Variants in FAM120A observed in about 807,000 individuals in gnomAD.
FAM120A encodes the protein constitutive coactivator of PPAR-gamma-like protein 1.
FAM120A carries 15 observed loss-of-function variants against 109.7 expected under a neutral mutation model. The observed-to-expected ratio is 0.14, with a 90% CI of 0.09 to 0.21. The LOEUF is 0.21. Among genes scored for constraint, FAM120A ranks in the 10% least tolerant of loss-of-function variants. FAM120A has a pLI of 1.00. For synonymous variants in FAM120A, 493 were observed against 572.8 expected (o/e 0.86, Z 1.99); for missense variants, 899 against 1,439.3 (o/e 0.62, Z 6.07).
chr9:93,486,755 A>G (rs1859075602), intron 3 of FAM120A, among the ~76,000 whole-genome samples: 3 of 151,936 alleles, frequency 2.0e-5, no homozygotes, highest in South Asian at 4.2e-4. Context: ...GCTGGCCTCA[A>G]ACTCCTGACC....
At chr9:93,540,176 C>T (rs973624869) in intron 10 of FAM120A, among the ~76,000 whole-genome samples, 3 of 152,180 alleles carry the variant, frequency 2.0e-5, no homozygotes, top group African/African-American at 7.2e-5. Context: ...GTGCAGATTG[C>T]CTGCTTCCCT....
intron 1 of FAM120A, among the ~76,000 whole-genome samples, chr9:93,454,763 C>A (rs1857478316): frequency 6.6e-6 from 1 of 152,208 alleles, no homozygotes; most frequent in African/African-American, 2.4e-5. Flanking sequence ...ATTCAGCATT[C>A]TCTGTTTAAG....
At chr9:93,473,208 G>T (rs1239105268) in intron 2 of FAM120A, among the ~76,000 whole-genome samples, 1 of 151,882 alleles carries the variant, frequency 6.6e-6, no homozygotes, top group Non-Finnish European at 1.5e-5. Context: ...GTAGAGACAG[G>T]GTTTCACCAT....
chr9:93,538,275 G>T (rs377579196), intron 10 of FAM120A, among the ~76,000 whole-genome samples: 16 of 152,176 alleles, frequency 1.1e-4, no homozygotes, highest in African/African-American at 3.9e-4. Flanking sequence ...TTACCTTTGA[G>T]AATTACAGAG....
intron 7 of FAM120A, among the ~76,000 whole-genome samples, chr9:93,526,092 A>G (rs940972486): frequency 1.3e-5 from 2 of 152,224 alleles, no homozygotes; most frequent in East Asian, 3.8e-4. Context: ...GGCATGTCCT[A>G]TGGCCAGCAC....
intron 3 of FAM120A, among the ~76,000 whole-genome samples, chr9:93,483,901 A>G (rs570812167): frequency 2.6e-5 from 4 of 152,322 alleles, no homozygotes; most frequent in African/African-American, 9.6e-5. Flanking sequence ...CTGAACTCAA[A>G]AGGATTTCTG....
At chr9:93,553,889 A>G (rs1164460675) in intron 12 of FAM120A, among the ~76,000 whole-genome samples, 1 of 152,138 alleles carries the variant, frequency 6.6e-6, no homozygotes, top group Non-Finnish European at 1.5e-5. Context: ...TATTATTTAT[A>G]TATAACATTT....
intron 3 of FAM120A, among the ~76,000 whole-genome samples, chr9:93,488,534 G>A (rs1050081461): frequency 3.9e-5 from 6 of 152,060 alleles, no homozygotes; most frequent in Non-Finnish European, 8.8e-5. Context: ...CAGCTACCAT[G>A]AAATATATTT....
intron 2 of FAM120A, among the ~76,000 whole-genome samples, chr9:93,473,362 G>C (rs373804901): frequency 6.6e-6 from 1 of 152,130 alleles, no homozygotes; most frequent in South Asian, 2.1e-4. Context: ...GTGGAGTGCA[G>C]TGGTGCAATC....
chr9:93,517,870 G>A (rs1423290209), intron 7 of FAM120A, among the ~76,000 whole-genome samples: 2 of 152,204 alleles, frequency 1.3e-5, no homozygotes, highest in East Asian at 3.9e-4. Context: ...CTTGGAGTGA[G>A]TAGGACTGCC....
chr9:93,475,864 C>T (rs921828896), intron 2 of FAM120A, among the ~76,000 whole-genome samples: 2 of 152,116 alleles, frequency 1.3e-5, no homozygotes, highest in Non-Finnish European at 2.9e-5. Flanking sequence ...AATTTTGAAC[C>T]GTAGCTATTT....
At chr9:93,489,008 TAAAA>T (rs34387679) in intron 3 of FAM120A, among the ~76,000 whole-genome samples, 1 of 143,146 alleles carries the variant, frequency 7.0e-6, no homozygotes, top group Non-Finnish European at 1.5e-5. Flanking sequence ...ATGTATCTGT[TAAAA>T]AAAAAAAAAA....
At chr9:93,558,494 C>A in intron 14 of FAM120A, 87 bp from the exon 15 acceptor site, 1 of 1,515,096 alleles carries the variant, frequency 6.6e-7, no homozygotes, top group South Asian at 1.2e-5. Flanking sequence ...CTGGAGGAGG[C>A]AGGGGCCACT....
intron 3 of FAM120A, among the ~76,000 whole-genome samples, chr9:93,491,693 G>A (rs1018574103): frequency 2.0e-5 from 3 of 152,180 alleles, no homozygotes; most frequent in African/African-American, 4.8e-5. Flanking sequence ...TTGCTACACA[G>A]TGATGTGAAA....
At chr9:93,560,715 T>C (rs1219647234) in intron 15 of FAM120A, among the ~76,000 whole-genome samples, 1 of 152,230 alleles carries the variant, frequency 6.6e-6, no homozygotes, top group Non-Finnish European at 1.5e-5. Context: ...ACAGGCTAGA[T>C]TTATTGATTC....
chr9:93,530,506 C>T (rs1289347715), intron 9 of FAM120A: 3 of 152,182 alleles, frequency 2.0e-5, no homozygotes, highest in African/African-American at 4.8e-5. Flanking sequence ...AGGTGGACTT[C>T]AACTGTTAAC....
intron 7 of FAM120A, among the ~76,000 whole-genome samples, chr9:93,524,336 AC>A (rs1860975439): frequency 6.6e-6 from 1 of 152,184 alleles, no homozygotes; most frequent in Non-Finnish European, 1.5e-5. Flanking sequence ...GACACGTCAT[AC>A]CCTGGTATAC....
chr9:93,525,668 G>A (rs767295971), intron 7 of FAM120A, among the ~76,000 whole-genome samples: 2 of 152,152 alleles, frequency 1.3e-5, no homozygotes, highest in Non-Finnish European at 2.9e-5. Flanking sequence ...CTCCTGAGCC[G>A]CTATCCATTG....
At chr9:93,467,523 T>TC (rs1372729839) in intron 1 of FAM120A, among the ~76,000 whole-genome samples, 4 of 151,870 alleles carry the variant, frequency 2.6e-5, no homozygotes, top group Non-Finnish European at 5.9e-5. Flanking sequence ...CCGATTTCCC[T>TC]CCCCCCGACC....
Sources: allele counts gnomAD v4.1 joint callset (sites outside exome capture counted in the v4.1 genomes callset), GRCh38; gene constraint gnomAD v4.1.1; transcripts MANE v1.5; gene names NCBI Gene and HGNC (gene_info 2026-07-23, HGNC 2026-07-21).